The following AVEN variants were observed in gnomAD, a reference collection of about 807,000 sequenced individuals.
AVEN encodes the protein apoptosis and caspase activation inhibitor.
Under a neutral mutation model 38.1 loss-of-function variants are expected in AVEN, and 41 were observed. The observed-to-expected ratio is 1.08, with a 90% CI of 0.84 to 1.40. AVEN has a LOEUF of 1.40. Among genes scored for constraint, AVEN ranks in the 40% most tolerant of loss-of-function variants. The pLI, the probability that AVEN is intolerant of heterozygous loss-of-function variation, is 0.00. For missense variants in AVEN, 605 were observed against 438.8 expected, an observed-to-expected ratio of 1.38 and a Z score of -3.38; for synonymous variants, 206 against 171.8, an observed-to-expected ratio of 1.20 and a Z score of -1.56.
intron 2 of AVEN, among the ~76,000 whole-genome samples, chr15:33,924,136 T>C (rs961731516): frequency 1.3e-5 from 2 of 151,874 alleles, no homozygotes; most frequent in South Asian, 2.1e-4. Flanking sequence ...GCCAAAAAGG[T>C]TGGGGACCAC....
chr15:33,858,378 A>AT (rs910813689), downstream of AVEN, among the ~76,000 whole-genome samples: 20 of 151,454 alleles, frequency 1.3e-4, no homozygotes, highest in African/African-American at 2.9e-4. Flanking sequence ...CTAATTTTGT[A>AT]TTTTTTTTAG....
downstream of AVEN, chr15:33,856,647 G>GTTTT (rs60494844): frequency 6.7e-4 from 103 of 154,108 alleles, no homozygotes; most frequent in African/African-American, 1.6e-3. Flanking sequence ...GAACCTTTGG[G>GTTTT]TTTTTTGTTT....
intron 2 of AVEN, among the ~76,000 whole-genome samples, chr15:33,918,837 G>C (rs894349205): frequency 6.6e-6 from 1 of 151,762 alleles, no homozygotes; most frequent in Admixed American, 6.6e-5. Context: ...CAATGTGAAG[G>C]AAATTAATCT....
At chr15:33,902,161 T>G (rs2153043418) in intron 2 of AVEN, among the ~76,000 whole-genome samples, 1 of 152,366 alleles carries the variant, frequency 6.6e-6, no homozygotes, top group East Asian at 1.9e-4. Flanking sequence ...ATTTCAACGT[T>G]TTATTGTTTT....
chr15:34,002,131 C>T (rs1487115709), intron 2 of AVEN, among the ~76,000 whole-genome samples: 1 of 152,154 alleles, frequency 6.6e-6, no homozygotes, highest in Non-Finnish European at 1.5e-5. Flanking sequence ...AAGACTGACA[C>T]TGAAACTGAT....
chr15:33,929,566 G>A (rs149145984), intron 2 of AVEN, among the ~76,000 whole-genome samples: 68 of 152,192 alleles, frequency 4.5e-4, no homozygotes, highest in African/African-American at 1.5e-3. Context: ...AGGATTCATC[G>A]GACTTTCAAC....
chr15:34,045,390 A>C (rs1899647493), intron 5 of AVEN, among the ~76,000 whole-genome samples: 1 of 152,194 alleles, frequency 6.6e-6, no homozygotes, highest in South Asian at 2.1e-4. Flanking sequence ...AGTTAGATAT[A>C]TCTTACTTTA....
Position 34,031,277 on chromosome 15 carries a change from C to T in AVEN, c.267+7503G>A, listed in dbSNP as rs188243580. On this transcript the variant is annotated intron_variant, in intron 1 of 5. Coordinates refer to ENST00000306730, the MANE Select transcript of AVEN (RefSeq NM_020371.3). ...GCAACCTCCGCCTCCCGGGTTCAAG[C>T]GATTCTCCTGTCTCAGCCTCCCGAG... Among the ~76,000 whole-genome samples the T allele has an allele frequency of 1.5e-4, 22 of 142,844 alleles. No homozygotes were observed. The East Asian group carries it at 4.2e-3, about 28-fold the overall frequency. The allele number at this position is 142,844 out of a possible 152,430, so 93.7% of individuals were successfully genotyped here. A position where few individuals can be genotyped will look rare whatever the true frequency, so the allele number is the denominator to read the frequency against.
chr15:33,996,876 A>G (rs1896958196), intron 2 of AVEN, among the ~76,000 whole-genome samples: 1 of 152,220 alleles, frequency 6.6e-6, no homozygotes, highest in South Asian at 2.1e-4. Flanking sequence ...TGACAGAAGT[A>G]GGCTTCGGAA....
chr15:33,953,003 A>G (rs756357303), intron 2 of AVEN, among the ~76,000 whole-genome samples: 15 of 152,144 alleles, frequency 9.9e-5, no homozygotes, highest in Non-Finnish European at 2.1e-4. Context: ...ATAACAGACA[A>G]GAGAGCCAAA....
chr15:33,933,520 CACACAGAGAGAGAGAG>C (rs1275555340), intron 2 of AVEN, among the ~76,000 whole-genome samples: 3,836 of 79,714 alleles, frequency 0.048, 77 homozygotes, highest in Admixed American at 0.1. Flanking sequence ...CACACACACA[CACACAGAGAGAGAGAG>C]AGAGAGAGAG....
chr15:33,876,079 G>A (rs764859736), intron 2 of AVEN, 84 bp from the exon 3 acceptor site: 1 of 1,331,370 alleles, frequency 7.5e-7, no homozygotes, highest in African/African-American at 1.5e-5. Context: ...GAGCAAAAGT[G>A]CCATTTCTGA....
At chr15:33,995,896 C>T (rs528776518) in intron 2 of AVEN, among the ~76,000 whole-genome samples, 4 of 152,234 alleles carry the variant, frequency 2.6e-5, no homozygotes, top group East Asian at 1.9e-4. Context: ...ACCCTGGAAG[C>T]GCAAGGGGTC....
chr15:33,860,027 T>C (rs1363294156), intron 11 of AVEN, among the ~76,000 whole-genome samples: 2 of 152,190 alleles, frequency 1.3e-5, no homozygotes, highest in African/African-American at 2.4e-5. Flanking sequence ...CTGTGGCTAG[T>C]CTTGTCCTCT....
At chr15:33,860,648 G>A in intron 11 of AVEN, 1 of 1,590,988 alleles carries the variant, frequency 6.3e-7, no homozygotes, top group Non-Finnish European at 8.6e-7. Flanking sequence ...ACAAGTACGA[G>A]AAGATATGGA....
chr15:33,988,364 GAT>G (rs1235341927), intron 2 of AVEN, among the ~76,000 whole-genome samples: 2 of 152,212 alleles, frequency 1.3e-5, no homozygotes, highest in Admixed American at 1.3e-4. Context: ...CTACCTAAGA[GAT>G]ATGAGAATTT....
rs544943699 is a variant in AVEN at position 33,928,263 on chromosome 15, G to C, written c.446-52268C>G. Among the ~76,000 whole-genome samples the C allele has an allele frequency of 4.6e-5, 7 of 152,304 alleles. No individual in the cohort carries two copies. In the South Asian group the frequency reaches 1.2e-3, roughly 27 times the overall value. ...GGTTACTGACTGTTGTAAATTGAAA[G>C]ATTAGTCCCTGCAAAAGAAAACTTG... On this transcript the variant is annotated intron_variant, in intron 2 of 5. Coordinates refer to ENST00000306730, the MANE Select transcript of AVEN (RefSeq NM_020371.3).
At chr15:33,932,864 A>AATAAATAAATAT (rs1220351575) in intron 2 of AVEN, among the ~76,000 whole-genome samples, 2 of 151,982 alleles carry the variant, frequency 1.3e-5, no homozygotes, top group Admixed American at 1.3e-4. Flanking sequence ...TAAATAAATA[A>AATAAATAAATAT]AAATTGTAGA....
chr15:34,025,204 A>G, intron 1 of AVEN, among the ~76,000 whole-genome samples: 1 of 152,226 alleles, frequency 6.6e-6, no homozygotes, highest in East Asian at 1.9e-4. Context: ...GAGCATGTGA[A>G]AATGAATAAG....
Sources: allele counts gnomAD v4.1 joint callset (sites outside exome capture counted in the v4.1 genomes callset), GRCh38; gene constraint gnomAD v4.1.1; transcripts MANE v1.5; gene names NCBI Gene and HGNC (gene_info 2026-07-23, HGNC 2026-07-21).